LEPROTL1: variants seen among roughly 807,000 people sequenced by gnomAD.
LEPROTL1 encodes leptin receptor overlapping transcript-like 1.
In LEPROTL1, 6 loss-of-function variants were observed where a neutral mutation model predicts 15.4. The ratio of observed to expected loss-of-function variants is 0.39; its 90% CI spans 0.21 to 0.77. The LOEUF is 0.77. LEPROTL1 is among the 30% of genes least tolerant of loss of function. The probability of loss-of-function intolerance (pLI) is 0.41; values close to 1 mark genes in which losing one functional copy is unlikely to be tolerated. For synonymous variants in LEPROTL1, 56 were observed against 52.6 expected (o/e 1.06, Z -0.28); for missense variants, 128 against 158.1 (o/e 0.81, Z 1.02).
At chr8:30,117,366 A>G (rs1681492766) in intron 3 of LEPROTL1, 2 of 1,097,538 alleles carry the variant, frequency 1.8e-6, no homozygotes, top group African/African-American at 1.6e-5. Flanking sequence ...GTTTGTAAAT[A>G]TATGCTGCAT....
At chr8:30,121,450 C>T (rs1225101720) in intron 3 of LEPROTL1, among the ~76,000 whole-genome samples, 2 of 151,840 alleles carry the variant, frequency 1.3e-5, no homozygotes, top group African/African-American at 2.4e-5. Flanking sequence ...GATGGGTTTT[C>T]GCCATGTTGG....
intron 3 of LEPROTL1, among the ~76,000 whole-genome samples, chr8:30,126,619 ATTG>A (rs1802910908): frequency 1.3e-5 from 2 of 152,214 alleles, no homozygotes; most frequent in South Asian, 4.1e-4. Flanking sequence ...ACTTGAGTGG[ATTG>A]CTAAACCTGG....
intron 1 of LEPROTL1, among the ~76,000 whole-genome samples, chr8:30,097,692 T>TAC (rs1194753050): frequency 1.5e-4 from 18 of 117,042 alleles, no homozygotes; most frequent in African/African-American, 3.1e-4. Context: ...AAAATATATA[T>TAC]ATATATACAC....
intron 4 of LEPROTL1, chr8:30,132,954 T>C: frequency 6.9e-7 from 1 of 1,456,238 alleles, no homozygotes; most frequent in South Asian, 1.5e-5. Flanking sequence ...GTATTTATTC[T>C]CTCTCTCTTA....
At chr8:30,111,947 G>A (rs941501875), downstream of LEPROTL1, among the ~76,000 whole-genome samples, 1 of 152,170 alleles carries the variant, frequency 6.6e-6, no homozygotes, top group African/African-American at 2.4e-5. Context: ...ATAAAAAGTG[G>A]TGAGACTCAG....
At chr8:30,113,898 C>T (rs1444223466) in intron 3 of LEPROTL1, among the ~76,000 whole-genome samples, 1 of 152,146 alleles carries the variant, frequency 6.6e-6, no homozygotes, top group African/African-American at 2.4e-5. Context: ...TACACCGAAG[C>T]TCCGTTTTTA....
chr8:30,120,639 TC>T (rs1802816696), intron 3 of LEPROTL1, among the ~76,000 whole-genome samples: 1 of 152,154 alleles, frequency 6.6e-6, no homozygotes, highest in Non-Finnish European at 1.5e-5. Context: ...TGAGCAATCC[TC>T]CTGTCTCAGC....
chr8:30,137,888 A>C, downstream of LEPROTL1: 1 of 255,950 alleles, frequency 3.9e-6, no homozygotes, highest in Non-Finnish European at 7.7e-6. Context: ...CACTCCTCCA[A>C]TTGCTCCTGG....
At chr8:30,105,440 G>C (rs1426740232) in intron 3 of LEPROTL1, among the ~76,000 whole-genome samples, 2 of 151,442 alleles carry the variant, frequency 1.3e-5, no homozygotes, top group Non-Finnish European at 1.5e-5. Context: ...GTTTTTGAAT[G>C]GTCATTTCAT....
In LEPROTL1 at chr8:30,108,004, A is replaced by C; in HGVS notation, c.*2142A>C. 18 of 950,580 alleles carry C rather than the reference A, an allele frequency of 1.9e-5. No homozygotes were observed. The highest frequency in any genetic ancestry group is 2.3e-5 in the Non-Finnish European group (18 of 798,182). The allele number at this position is 950,580 out of a possible 1,614,324, so 58.9% of individuals were successfully genotyped here. Reference sequence around the variant, plus strand: ...TCCATAGAATATGCACTGATACAATATTACCATTCTTCTATGGAAAGAAAA... The same window carrying C: ...TCCATAGAATATGCACTGATACAATCTTACCATTCTTCTATGGAAAGAAAA... On this transcript the variant is annotated 3_prime_UTR_variant, in exon 4 of 4. Transcript: ENST00000321250.
intron 2 of LEPROTL1, among the ~76,000 whole-genome samples, chr8:30,102,652 CAA>C (rs199960893): frequency 3.0e-5 from 3 of 101,082 alleles, no homozygotes; most frequent in Admixed American, 1.1e-4. Context: ...ACTCTGTTTC[CAA>C]AAAAAAAAAA....
At chr8:30,101,820 G>C in intron 1 of LEPROTL1, 78 bp from the exon 2 acceptor site, 2 of 864,160 alleles carry the variant, frequency 2.3e-6, no homozygotes, top group Non-Finnish European at 1.8e-6. Flanking sequence ...TGAGGTTACA[G>C]ATAATGTTCA....
intron 1 of LEPROTL1, among the ~76,000 whole-genome samples, chr8:30,100,640 A>G (rs193280206): frequency 1.4e-4 from 21 of 152,318 alleles, no homozygotes; most frequent in Admixed American, 1.2e-3. Context: ...TAGTAGAGAC[A>G]AGGTTTCACC....
rs1802518245 is a variant in LEPROTL1, at chr8:30,104,196, A to G, written c.93-104A>G. On this transcript the variant is annotated intron_variant, in intron 2 of 3. Transcript: ENST00000321250. ...TTTATGCTAAGGTTGGGTATCATCC[A>G]TTAGAAGTCAAGCGATTGAATCTTG... The G allele has an allele frequency of 7.9e-6, 5 of 631,544 alleles. No individual in the cohort carries two copies. In the East Asian group the frequency reaches 1.3e-4, roughly 16 times the overall value. The allele number at this position is 631,544 out of a possible 1,614,324, so 39.1% of individuals were successfully genotyped here. A position where few individuals can be genotyped will look rare whatever the true frequency, so the allele number is the denominator to read the frequency against.
chr8:30,106,783 T>C lies in LEPROTL1; in HGVS notation c.*921T>C, dbSNP rs1246997235. 1 of 984,034 alleles carries C rather than the reference T, an allele frequency of 1.0e-6. No homozygotes were observed. Among genetic ancestry groups the C allele is most frequent in the Non-Finnish European group, 1.2e-6 (1 of 828,380 alleles). 61.0% of individuals were successfully genotyped at this position (984,034 alleles called of 1,614,324 possible). On this transcript the variant is annotated 3_prime_UTR_variant, in exon 4 of 4. Transcript: ENST00000321250. ...GGAACCACTACTGATGAGGGACAGT[T>C]GTATGTTTGCATCATATATGCCAGA...
intron 1 of LEPROTL1, among the ~76,000 whole-genome samples, chr8:30,099,634 A>C (rs1464290208): frequency 1.3e-5 from 2 of 151,790 alleles, no homozygotes; most frequent in Non-Finnish European, 2.9e-5. Context: ...AACCAGCAAA[A>C]AAACACTTCA....
At chr8:30,115,695 A>G (rs1456008662) in intron 3 of LEPROTL1, among the ~76,000 whole-genome samples, 1 of 151,082 alleles carries the variant, frequency 6.6e-6, no homozygotes, top group Non-Finnish European at 1.5e-5. Flanking sequence ...ATTTCTGAAT[A>G]AAAACCTGTA....
At chr8:30,111,214 A>G (rs1802649618), downstream of LEPROTL1, among the ~76,000 whole-genome samples, 1 of 152,190 alleles carries the variant, frequency 6.6e-6, no homozygotes, top group Non-Finnish European at 1.5e-5. Flanking sequence ...CTAAACATTA[A>G]CTGAGTGTAG....
At chr8:30,100,457 T>G (rs938879449) in intron 1 of LEPROTL1, among the ~76,000 whole-genome samples, 1 of 152,248 alleles carries the variant, frequency 6.6e-6, no homozygotes, top group African/African-American at 2.4e-5. Context: ...ACTTATTTAT[T>G]TATTTTTTTT....
Sources: allele counts gnomAD v4.1 joint callset (sites outside exome capture counted in the v4.1 genomes callset), GRCh38; gene constraint gnomAD v4.1.1; transcripts MANE v1.5; gene names NCBI Gene and HGNC (gene_info 2026-07-23, HGNC 2026-07-21).